SGK2: variants seen among roughly 807,000 people sequenced by gnomAD.
SGK2 encodes serine/threonine-protein kinase Sgk2.
SGK2 carries 36 observed loss-of-function variants against 47.5 expected under a neutral mutation model. That is an observed-to-expected ratio of 0.76 (90% CI 0.58 to 1.00). The LOEUF is 1.00. Ranked by LOEUF, SGK2 falls within the 50% of genes least tolerant of loss-of-function variation. The pLI is 0.00. For missense variants in SGK2, 404 were observed against 467.4 expected, an observed-to-expected ratio of 0.86 and a Z score of 1.25; for synonymous variants, 157 against 181.9, an observed-to-expected ratio of 0.86 and a Z score of 1.10.
At chr20:43,559,605 C>A (rs1482099338) in intron 1 of SGK2, among the ~76,000 whole-genome samples, 1 of 152,036 alleles carries the variant, frequency 6.6e-6, no homozygotes, top group East Asian at 1.9e-4. Context: ...GTTGTGGGAA[C>A]AAAATAAGAT....
rs778952371 is a variant in SGK2, at chr20:43,584,931, A to T, written c.1019A>T (p.Asp340Val). Residue 340 changes from aspartate (D) to valine (V), a missense_variant, in exon 13 of 13, where the codon GAC becomes GTC. By Grantham distance (152) the Asp-to-Val change is radical. Coordinates refer to ENST00000373100, the MANE Select transcript of SGK2 (RefSeq NM_170693.3). ...AVSKSIGCTP[D>V]TVASSSGASS... ...TCCAAGTCCATTGGCTGTACCCCTG[A>T]CACTGTGGCCAGCAGCTCTGGGGCC... 1 of 1,614,104 alleles carries T rather than the reference A, an allele frequency of 6.2e-7. No homozygotes were observed. The highest frequency in any genetic ancestry group is 8.5e-7 in the Non-Finnish European group (1 of 1,179,986).
At chr20:43,567,516 T>C in intron 3 of SGK2, 149 bp from the exon 4 acceptor site, 1 of 700,582 alleles carries the variant, frequency 1.4e-6, no homozygotes, top group Non-Finnish European at 2.5e-6. Context: ...TGGGAGAACA[T>C]GGGGTTCTTC....
chr20:43,579,596 C>T (rs949383054), intron 11 of SGK2, among the ~76,000 whole-genome samples: 2 of 152,102 alleles, frequency 1.3e-5, no homozygotes, highest in African/African-American at 2.4e-5. Flanking sequence ...TACTGGAAAA[C>T]TCAAGATGTA....
chr20:43,570,818 C>A, intron 7 of SGK2, 89 bp downstream of exon 7: 1 of 1,289,198 alleles, frequency 7.8e-7, no homozygotes, highest in Non-Finnish European at 1.1e-6. Context: ...CTGATGAAAT[C>A]CTGGTGGACT....
chr20:43,584,529 C>T (rs149741176), intron 12 of SGK2, among the ~76,000 whole-genome samples: 6 of 152,146 alleles, frequency 3.9e-5, no homozygotes, highest in Non-Finnish European at 8.8e-5. Context: ...TCCTACCCCC[C>T]ACACAATGTA....
intron 6 of SGK2, among the ~76,000 whole-genome samples, 164 bp from the exon 7 acceptor site, chr20:43,570,453 G>A (rs147529207): frequency 2.6e-4 from 39 of 152,332 alleles, no homozygotes; most frequent in Non-Finnish European, 4.9e-4. Context: ...TTGGACACCC[G>A]GGACTGCTGT....
intron 9 of SGK2, 152 bp from the exon 10 acceptor site, chr20:43,574,757 G>A (rs1210588846): frequency 1.7e-6 from 1 of 576,746 alleles, no homozygotes; most frequent in African/African-American, 1.9e-5. Context: ...GCAGGCCTTT[G>A]CTGAATGACT....
At chr20:43,564,192 C>T (rs1241989700) in intron 1 of SGK2, among the ~76,000 whole-genome samples, 1 of 152,278 alleles carries the variant, frequency 6.6e-6, no homozygotes, top group Admixed American at 6.5e-5. Flanking sequence ...GGGACCGTTT[C>T]TTACGCAGCA....
At chr20:43,567,232 C>A in intron 3 of SGK2, 115 bp downstream of exon 3, 1 of 864,028 alleles carries the variant, frequency 1.2e-6, no homozygotes, top group Non-Finnish European at 1.9e-6. Context: ...TGTCTGCCAT[C>A]TGGGCCCAGG....
Position 43,584,816 on chromosome 20 carries a change from C to T in SGK2, c.940-36C>T, listed in dbSNP as rs747833311. 2.5e-5 allele frequency: 40 copies of T among 1,595,008 alleles called. No homozygotes were observed. In the Middle Eastern group the frequency reaches 5.0e-4, roughly 20 times the overall value. On this transcript the variant is annotated intron_variant, in intron 12 of 12. Coordinates refer to ENST00000373100, the MANE Select transcript of SGK2 (RefSeq NM_170693.3). ...TGGGCTCCTTTGGCAGCTCTGACCC[C>T]GGTGTTTTCTTCTCATCATTGGCTT... is the stretch of plus-strand genomic sequence containing the variant.
At chr20:43,567,198 A>G (rs1979786392) in intron 3 of SGK2, 81 bp downstream of exon 3, 3 of 1,187,372 alleles carry the variant, frequency 2.5e-6, no homozygotes, top group South Asian at 2.5e-5. Flanking sequence ...TAAAATCCAG[A>G]TTCTCTGGTC....
Position 43,567,927 on chromosome 20 carries a change from C to T in SGK2, c.156C>T (p.Ala52=), listed in dbSNP as rs200985916. 9.9e-6 allele frequency: 16 copies of T among 1,613,998 alleles called. No homozygotes were observed. Among genetic ancestry groups the T allele is most frequent in the Non-Finnish European group, 4.2e-6 (5 of 1,179,964 alleles). ...ATGTTTCTTCTCAGGTCCTACTGGC[C>T]AAGCGCAAGTCTGATGGGGCGTTCT... ...GKGNYGKVLL[A]KRKSDGAFYA... is the part of the protein sequence containing the mutation. Residue 52 remains alanine (A), a synonymous_variant, in exon 5 of 13, where the codon GCC becomes GCT. Transcript: ENST00000373100.
At chr20:43,574,727 G>A (rs900787626) in intron 9 of SGK2, among the ~76,000 whole-genome samples, 182 bp from the exon 10 acceptor site, 1 of 152,170 alleles carries the variant, frequency 6.6e-6, no homozygotes, top group Non-Finnish European at 1.5e-5. Context: ...CCCAACCCAT[G>A]GCAAAGGGCC....
At chr20:43,571,166 C>T (rs374049225) in intron 8 of SGK2, 106 bp downstream of exon 8, 153 of 1,516,566 alleles carry the variant, frequency 1.0e-4, no homozygotes, top group East Asian at 1.0e-3. Context: ...ATGCATTGTA[C>T]ATGTATGCAT....
chr20:43,567,208 C>A, intron 3 of SGK2, 91 bp downstream of exon 3: 2 of 1,109,998 alleles, frequency 1.8e-6, no homozygotes, highest in South Asian at 1.3e-5. Context: ...ATTCTCTGGT[C>A]TAGCATTCAA....
chr20:43,578,418 G>A (rs969941632), intron 11 of SGK2, among the ~76,000 whole-genome samples: 2 of 152,108 alleles, frequency 1.3e-5, no homozygotes, highest in African/African-American at 4.8e-5. Flanking sequence ...CTGGGGGTGG[G>A]TGGAGGTTGC....
intron 12 of SGK2, among the ~76,000 whole-genome samples, chr20:43,582,037 G>T (rs1453212419): frequency 6.6e-6 from 1 of 152,112 alleles, no homozygotes; most frequent in Non-Finnish European, 1.5e-5. Flanking sequence ...TAGTAAAGAT[G>T]GTTAGTTTTT....
intron 8 of SGK2, 100 bp downstream of exon 8, chr20:43,571,160 A>G (rs1980104953): frequency 1.9e-6 from 3 of 1,566,446 alleles, no homozygotes; most frequent in East Asian, 2.2e-5. Flanking sequence ...GTGTGCATGC[A>G]TTGTACATGT....
chr20:43,577,144 G>A (rs534605288), intron 11 of SGK2, among the ~76,000 whole-genome samples: 66 of 152,192 alleles, frequency 4.3e-4, no homozygotes, highest in African/African-American at 1.3e-3. Context: ...GAGGCTTGAC[G>A]GATGAGAAAG....
Sources: allele counts gnomAD v4.1 joint callset (sites outside exome capture counted in the v4.1 genomes callset), GRCh38; gene constraint gnomAD v4.1.1; transcripts MANE v1.5; gene names NCBI Gene and HGNC (gene_info 2026-07-23, HGNC 2026-07-21).